POFUT3: variants seen among roughly 807,000 people sequenced by gnomAD.
POFUT3 encodes GDP-fucose protein O-fucosyltransferase 3.
At chr8:33,308,298 A>G in the POFUT3 span, among the ~76,000 whole-genome samples, 1 of 152,254 alleles carries the variant, frequency 6.6e-6, no homozygotes, top group African/African-American at 2.4e-5. Flanking sequence ...AAATTGAATC[A>G]TAAAAATTAA....
the POFUT3 span, among the ~76,000 whole-genome samples, chr8:33,401,843 C>T: frequency 1.3e-5 from 2 of 152,216 alleles, 1 homozygote; most frequent in South Asian, 4.2e-4. Context: ...GCCTGGCCAA[C>T]ATGGCGAAAC....
the POFUT3 span, among the ~76,000 whole-genome samples, chr8:33,380,575 G>A: frequency 5.9e-5 from 9 of 152,056 alleles, no homozygotes; most frequent in East Asian, 1.5e-3. Flanking sequence ...AGTGGCTCAT[G>A]CCTATAATCC....
the POFUT3 span, chr8:33,455,895 C>G: frequency 2.8e-6 from 1 of 354,726 alleles, no homozygotes; most frequent in South Asian, 1.9e-5. Flanking sequence ...GTATCCAAGG[C>G]CAAAAAAGAA....
At chr8:33,421,460 A>C in the POFUT3 span, among the ~76,000 whole-genome samples, 1 of 152,176 alleles carries the variant, frequency 6.6e-6, no homozygotes, top group Non-Finnish European at 1.5e-5. Flanking sequence ...ATTCAGGGCA[A>C]GGCTACTAGT....
chr8:33,341,292 G>A, the POFUT3 span, among the ~76,000 whole-genome samples: 20 of 151,836 alleles, frequency 1.3e-4, no homozygotes, highest in East Asian at 5.8e-4. Flanking sequence ...AGAATTAGCC[G>A]AGGCTGGTGT....
the POFUT3 span, among the ~76,000 whole-genome samples, chr8:33,419,215 G>C: frequency 2.6e-4 from 39 of 152,198 alleles, no homozygotes; most frequent in African/African-American, 9.2e-4. Context: ...GAAATAGCTA[G>C]ACTAGAAGAC....
the POFUT3 span, among the ~76,000 whole-genome samples, chr8:33,380,069 ATATATACAC>A: frequency 1.9e-4 from 14 of 73,412 alleles, 2 homozygotes; most frequent in African/African-American, 1.0e-3. Flanking sequence ...TATACACTAT[ATATATACAC>A]TATATATACT....
At chr8:33,430,849 C>A in the POFUT3 span, among the ~76,000 whole-genome samples, 1 of 152,212 alleles carries the variant, frequency 6.6e-6, no homozygotes, top group African/African-American at 2.4e-5. Flanking sequence ...CTCAGGTGAT[C>A]CACCCGCCTC....
the POFUT3 span, among the ~76,000 whole-genome samples, chr8:33,402,074 A>G: frequency 1.3e-5 from 2 of 152,066 alleles, no homozygotes; most frequent in African/African-American, 4.8e-5. Context: ...CTATTTTTCT[A>G]AGTTAGGTGC....
the POFUT3 span, among the ~76,000 whole-genome samples, chr8:33,308,941 AG>A: frequency 6.6e-6 from 1 of 150,912 alleles, no homozygotes; most frequent in Non-Finnish European, 1.5e-5. Flanking sequence ...CTGACTCTGG[AG>A]CCCAGGCTGT....
At chr8:33,322,134 G>A in the POFUT3 span, among the ~76,000 whole-genome samples, 65,243 of 151,942 alleles carry the variant, frequency 0.43, 15,756 homozygotes, top group East Asian at 0.8. Context: ...TCAGGACTGA[G>A]TTCTTGGTCT....
chr8:33,430,004 A>T, the POFUT3 span, among the ~76,000 whole-genome samples: 1 of 151,948 alleles, frequency 6.6e-6, no homozygotes, highest in Non-Finnish European at 1.5e-5. Context: ...TCAAAAAAAA[A>T]AAAAAAAAGA....
chr8:33,337,782 G>C, the POFUT3 span, among the ~76,000 whole-genome samples: 1 of 152,146 alleles, frequency 6.6e-6, no homozygotes, highest in African/African-American at 2.4e-5. Context: ...GTTTACTAGG[G>C]CTGTCGTAAC....
At chr8:33,431,994 G>A in the POFUT3 span, among the ~76,000 whole-genome samples, 2 of 152,100 alleles carry the variant, frequency 1.3e-5, no homozygotes, top group Non-Finnish European at 2.9e-5. Context: ...CAAATTTGGG[G>A]ACCTGGCACA....
the POFUT3 span, among the ~76,000 whole-genome samples, chr8:33,405,157 A>G: frequency 2.6e-5 from 4 of 151,966 alleles, no homozygotes; most frequent in Non-Finnish European, 5.9e-5. Flanking sequence ...CCCTCCTATC[A>G]TCCATGTCTC....
chr8:33,410,532 G>A, the POFUT3 span, among the ~76,000 whole-genome samples: 4 of 152,016 alleles, frequency 2.6e-5, no homozygotes, highest in South Asian at 4.2e-4. Context: ...CCATACAGAC[G>A]TTTGCACTGA....
the POFUT3 span, among the ~76,000 whole-genome samples, chr8:33,346,301 T>G: frequency 6.6e-6 from 1 of 152,204 alleles, no homozygotes; most frequent in Non-Finnish European, 1.5e-5. Flanking sequence ...TCTGAGGGTT[T>G]GGTTTACACT....
the POFUT3 span, among the ~76,000 whole-genome samples, chr8:33,449,952 T>TA: frequency 1.3e-5 from 2 of 149,858 alleles, no homozygotes; most frequent in South Asian, 4.2e-4. Flanking sequence ...TTTTTTTTTT[T>TA]TTTGAGACAG....
the POFUT3 span, among the ~76,000 whole-genome samples, chr8:33,362,443 C>T: frequency 6.6e-6 from 1 of 152,128 alleles, no homozygotes; most frequent in Admixed American, 6.6e-5. Flanking sequence ...TATAAATGGG[C>T]TAAATGCCCC....
Sources: allele counts gnomAD v4.1 joint callset (sites outside exome capture counted in the v4.1 genomes callset), GRCh38; gene constraint gnomAD v4.1.1; transcripts MANE v1.5; gene names NCBI Gene and HGNC (gene_info 2026-07-23, HGNC 2026-07-21).